TBC1D8: variants seen among roughly 807,000 people sequenced by gnomAD.
TBC1D8 encodes the protein TBC1 domain family member 8.
A neutral mutation model predicts 118.8 loss-of-function variants in TBC1D8; 65 were observed. The ratio of observed to expected loss-of-function variants is 0.55; its 90% CI spans 0.45 to 0.67. TBC1D8 has a LOEUF of 0.67. Among genes scored for constraint, TBC1D8 ranks in the 30% least tolerant of loss-of-function variants. TBC1D8 has a pLI of 0.00. For synonymous variants in TBC1D8, 566 were observed against 595.8 expected, an observed-to-expected ratio of 0.95 and a Z score of 0.73; for missense variants, 1,376 against 1,471.2, an observed-to-expected ratio of 0.94 and a Z score of 1.06.
At chr2:101,014,169 T>A (rs570723790) in intron 17 of TBC1D8, among the ~76,000 whole-genome samples, 2 of 152,264 alleles carry the variant, frequency 1.3e-5, no homozygotes, top group South Asian at 4.1e-4. Flanking sequence ...TTGAAAAGGG[T>A]CTGAGGCAGT....
In TBC1D8 at chr2:101,008,003, A is replaced by G. The variant is rs773603692; in HGVS notation, c.3286T>C (p.Trp1096Arg). ...AAAATATGTTCAAGGGAGACAGTCC[A>G]GTCCCTTTCTGCCGCCTCTGGAAAT... ...QAFPEAAERD[W>R]TVSLEHILAS... Residue 1096 changes from tryptophan to arginine, a missense_variant, in exon 20 of 20, where the codon TGG becomes CGG. Physicochemically the swap from Trp to Arg is moderately radical, Grantham distance 101. Coordinates refer to ENST00000409318, the MANE Select transcript of TBC1D8 (RefSeq NM_001330348.2). The G allele has an allele frequency of 1.9e-6, 3 of 1,614,040 alleles. No homozygotes were observed. Among genetic ancestry groups the G allele is most frequent in the Non-Finnish European group, 8.5e-7 (1 of 1,179,874 alleles).
chr2:101,135,909 T>A (rs1415211719), intron 1 of TBC1D8, among the ~76,000 whole-genome samples: 2 of 152,150 alleles, frequency 1.3e-5, no homozygotes, highest in African/African-American at 4.8e-5. Flanking sequence ...TTGAGAAGGA[T>A]CTTACTGTCA....
chr2:101,024,779 A>G (rs1680240642), intron 15 of TBC1D8, among the ~76,000 whole-genome samples: 2 of 152,218 alleles, frequency 1.3e-5, no homozygotes, highest in African/African-American at 4.8e-5. Flanking sequence ...GTCACCCATG[A>G]CCCAACAGTT....
At chr2:101,027,275 C>T (rs1680391099) in intron 15 of TBC1D8, 108 bp downstream of exon 15, 1 of 1,027,408 alleles carries the variant, frequency 9.7e-7, no homozygotes, top group Non-Finnish European at 1.5e-6. Context: ...CCGGCCTCTG[C>T]TCCACGGAGC....
At position 101,028,355 on chromosome 2, in the gene TBC1D8, T is replaced by C. The variant is rs753703167; in HGVS notation, c.2300A>G (p.Gln767Arg). 1 of 1,612,672 alleles carries C rather than the reference T, an allele frequency of 6.2e-7. No individual in the cohort carries two copies. The highest frequency in any genetic ancestry group is 8.5e-7 in the Non-Finnish European group (1 of 1,179,338). ...AATATCAGTCACAGGGTAGGGCTCC[T>C]GGTCGTCGGAGAAAAAGGCATGGTG... ...GSHHAFFSDD[Q>R]EPYPVTDISD... The change falls in exon 13 of 20, where the codon CAG (glutamine) becomes CGG (arginine). Residue 767 changes from glutamine (Q) to arginine (R), a missense_variant. Gln to Arg is a conservative substitution (Grantham distance 43). Coordinates refer to ENST00000409318, the MANE Select transcript of TBC1D8 (RefSeq NM_001330348.2).
At chr2:101,037,233 T>C (rs1305400578) in intron 8 of TBC1D8, among the ~76,000 whole-genome samples, 1 of 151,714 alleles carries the variant, frequency 6.6e-6, no homozygotes, top group Non-Finnish European at 1.5e-5. Flanking sequence ...CAGACAGCAC[T>C]GGCTGGAAGG....
At chr2:101,027,567 T>C in intron 14 of TBC1D8, 116 bp from the exon 15 acceptor site, 1 of 854,060 alleles carries the variant, frequency 1.2e-6, no homozygotes, top group South Asian at 1.4e-5. Flanking sequence ...CACCAGCTTC[T>C]CTCCCACAAA....
At chr2:101,112,045 C>T (rs1677621108) in intron 1 of TBC1D8, among the ~76,000 whole-genome samples, 1 of 152,120 alleles carries the variant, frequency 6.6e-6, no homozygotes, top group Non-Finnish European at 1.5e-5. Context: ...CATCTGAACA[C>T]AGATGTGCTC....
intron 1 of TBC1D8, among the ~76,000 whole-genome samples, chr2:101,145,894 C>T (rs1484476270): frequency 6.6e-6 from 1 of 152,156 alleles, no homozygotes; most frequent in African/African-American, 2.4e-5. Flanking sequence ...AAATACTGCA[C>T]TAATAGATAA....
At chr2:101,089,846 T>C (rs563886943) in intron 2 of TBC1D8, among the ~76,000 whole-genome samples, 26 of 148,572 alleles carry the variant, frequency 1.7e-4, no homozygotes, top group Non-Finnish European at 3.5e-4. Flanking sequence ...ACGAGCACCA[T>C]GAAACACACC....
chr2:101,041,015 G>T (rs1681355150), intron 5 of TBC1D8, among the ~76,000 whole-genome samples: 1 of 152,220 alleles, frequency 6.6e-6, no homozygotes, highest in African/African-American at 2.4e-5. Flanking sequence ...ACTTGCTTAA[G>T]AATCCAAGTT....
intron 4 of TBC1D8, among the ~76,000 whole-genome samples, chr2:101,051,537 G>A (rs908501243): frequency 1.3e-5 from 2 of 151,986 alleles, no homozygotes; most frequent in Non-Finnish European, 2.9e-5. Flanking sequence ...AATAGGGGAA[G>A]TTTTTTGCAA....
At chr2:101,027,007 T>C (rs928197549) in intron 15 of TBC1D8, among the ~76,000 whole-genome samples, 2 of 152,132 alleles carry the variant, frequency 1.3e-5, no homozygotes, top group African/African-American at 4.8e-5. Flanking sequence ...AATTAAAAAG[T>C]ATTATCAGGT....
At chr2:101,101,151 A>T (rs1360197587) in intron 1 of TBC1D8, among the ~76,000 whole-genome samples, 1 of 152,244 alleles carries the variant, frequency 6.6e-6, no homozygotes, top group African/African-American at 2.4e-5. Context: ...TACTCATCTG[A>T]CAAAGATCTA....
intron 9 of TBC1D8, 59 bp downstream of exon 9, chr2:101,035,959 G>A: frequency 6.3e-7 from 1 of 1,592,648 alleles, no homozygotes; most frequent in East Asian, 2.2e-5. Flanking sequence ...TCGGGTCCGG[G>A]CTGTTCCTGT....
intron 3 of TBC1D8, among the ~76,000 whole-genome samples, chr2:101,057,286 C>CAA (rs1293345627): frequency 6.6e-6 from 1 of 152,198 alleles, no homozygotes; most frequent in Non-Finnish European, 1.5e-5. Flanking sequence ...TTGACCCTCC[C>CAA]AAGTCCAGAA....
At chr2:101,099,084 T>C (rs1165697632) in intron 1 of TBC1D8, among the ~76,000 whole-genome samples, 1 of 148,718 alleles carries the variant, frequency 6.7e-6, no homozygotes, top group African/African-American at 2.5e-5. Flanking sequence ...ATCCAGAAGA[T>C]GGTTTTTTGA....
chr2:101,065,250 T>C (rs1217800644), intron 2 of TBC1D8, among the ~76,000 whole-genome samples: 1 of 152,236 alleles, frequency 6.6e-6, no homozygotes, highest in African/African-American at 2.4e-5. Flanking sequence ...GGGCATTCTG[T>C]GTGTATAGTT....
At chr2:101,097,927 T>C (rs1034961484) in intron 1 of TBC1D8, among the ~76,000 whole-genome samples, 1 of 152,062 alleles carries the variant, frequency 6.6e-6, no homozygotes, top group Non-Finnish European at 1.5e-5. Flanking sequence ...TGTTTGAAGG[T>C]TGATGTAGAT....
Sources: allele counts gnomAD v4.1 joint callset (sites outside exome capture counted in the v4.1 genomes callset), GRCh38; gene constraint gnomAD v4.1.1; transcripts MANE v1.5; gene names NCBI Gene and HGNC (gene_info 2026-07-23, HGNC 2026-07-21).